The following CNTLN variants were observed in gnomAD, a reference collection of about 807,000 sequenced individuals.
CNTLN encodes centlein, centrosomal protein.
In CNTLN, 212 loss-of-function variants were observed where a neutral mutation model predicts 180.0. That is an observed-to-expected ratio of 1.18 (90% CI 1.05 to 1.32). The LOEUF (loss-of-function observed/expected upper bound fraction) is 1.32. Ranked by LOEUF, CNTLN falls within the 40% of genes most tolerant of loss-of-function variation. The probability of loss-of-function intolerance (pLI) is 0.00; values close to 1 mark genes in which losing one functional copy is unlikely to be tolerated. For missense variants in CNTLN, 2,095 were observed against 1,610.9 expected, an observed-to-expected ratio of 1.30 and a Z score of -5.14; for synonymous variants, 722 against 563.1, an observed-to-expected ratio of 1.28 and a Z score of -3.99.
chr9:17,331,357 G>A (rs551183767), intron 9 of CNTLN, among the ~76,000 whole-genome samples: 2 of 98,184 alleles, frequency 2.0e-5, no homozygotes, highest in East Asian at 4.0e-4. Flanking sequence ...GTTTATTAAT[G>A]TCTCAATTTT....
intron 8 of CNTLN, among the ~76,000 whole-genome samples, chr9:17,322,916 AT>A (rs1820015927): frequency 4.6e-5 from 7 of 152,194 alleles, no homozygotes; most frequent in Admixed American, 4.6e-4. Context: ...GCTTTTTTAT[AT>A]TCTTTATGAA....
intron 2 of CNTLN, among the ~76,000 whole-genome samples, chr9:17,158,565 G>A (rs973863510): frequency 6.6e-6 from 1 of 151,876 alleles, no homozygotes; most frequent in African/African-American, 2.4e-5. Context: ...CTTGTTATAG[G>A]TTGATTCAGA....
At chr9:17,491,377 CTA>C (rs1260297278) in intron 25 of CNTLN, among the ~76,000 whole-genome samples, 1 of 151,922 alleles carries the variant, frequency 6.6e-6, no homozygotes, top group Admixed American at 6.6e-5. Context: ...AATGTATAAA[CTA>C]TGAAATTTAC....
chr9:17,275,813 T>C (rs1167253067), intron 6 of CNTLN, among the ~76,000 whole-genome samples: 1 of 152,116 alleles, frequency 6.6e-6, no homozygotes, highest in Non-Finnish European at 1.5e-5. Flanking sequence ...TAGTGGGCCA[T>C]GTGTAATTCT....
chr9:17,216,888 G>T (rs1018764824), intron 2 of CNTLN, among the ~76,000 whole-genome samples: 2 of 152,208 alleles, frequency 1.3e-5, no homozygotes, highest in Non-Finnish European at 2.9e-5. Context: ...CCAGAATTAT[G>T]CCATCTGGTA....
At chr9:17,448,436 T>C (rs1308559375) in intron 18 of CNTLN, 1 of 152,258 alleles carries the variant, frequency 6.6e-6, no homozygotes, top group African/African-American at 2.4e-5. Flanking sequence ...GAATTTCCTG[T>C]TTAGCTTCAC....
At chr9:17,460,485 C>T (rs539791487) in intron 19 of CNTLN, among the ~76,000 whole-genome samples, 2 of 151,672 alleles carry the variant, frequency 1.3e-5, no homozygotes, top group African/African-American at 2.4e-5. Flanking sequence ...AGCTGGGTTT[C>T]GATCACTTTT....
At chr9:17,214,690 A>C (rs1014285668) in intron 2 of CNTLN, among the ~76,000 whole-genome samples, 1 of 152,130 alleles carries the variant, frequency 6.6e-6, no homozygotes, top group Non-Finnish European at 1.5e-5. Flanking sequence ...TTTCAGGTAC[A>C]CCAATTAGAT....
intron 19 of CNTLN, among the ~76,000 whole-genome samples, chr9:17,461,812 A>G (rs1466479625): frequency 6.6e-6 from 1 of 151,652 alleles, no homozygotes; most frequent in Non-Finnish European, 1.5e-5. Flanking sequence ...GAGTATGTCA[A>G]CACTATCTTG....
chr9:17,407,334 G>C (rs1329580679), intron 15 of CNTLN, among the ~76,000 whole-genome samples: 3 of 152,192 alleles, frequency 2.0e-5, no homozygotes, highest in Non-Finnish European at 4.4e-5. Flanking sequence ...CTCAAAGCCA[G>C]TATGAGTTCT....
At chr9:17,367,993 C>T (rs1042906084) in intron 13 of CNTLN, among the ~76,000 whole-genome samples, 1 of 152,132 alleles carries the variant, frequency 6.6e-6, no homozygotes, top group African/African-American at 2.4e-5. Flanking sequence ...ATTTGTCTTG[C>T]ACCTTAGGTA....
At chr9:17,458,558 T>C (rs1415647885) in intron 19 of CNTLN, among the ~76,000 whole-genome samples, 2 of 151,922 alleles carry the variant, frequency 1.3e-5, no homozygotes, top group African/African-American at 4.8e-5. Flanking sequence ...TGGAATACTA[T>C]GTTGAATTGT....
chr9:17,444,085 A>G (rs1046140479), intron 18 of CNTLN: 2 of 152,216 alleles, frequency 1.3e-5, no homozygotes, highest in Non-Finnish European at 1.5e-5. Flanking sequence ...TAAGAAAAAA[A>G]ACACAAAATC....
intron 18 of CNTLN, among the ~76,000 whole-genome samples, chr9:17,455,385 A>G (rs1831053361): frequency 6.6e-6 from 1 of 152,180 alleles, no homozygotes; most frequent in African/African-American, 2.4e-5. Flanking sequence ...TAATTTCAGT[A>G]TTTCTTCATT....
chr9:17,332,736 C>A lies in CNTLN; in HGVS notation c.1644+6C>A. 2 of 1,575,324 alleles carry A rather than the reference C, an allele frequency of 1.3e-6. No individual in the cohort carries two copies. The highest frequency in any genetic ancestry group is 1.7e-6 in the Non-Finnish European group (2 of 1,165,068). On this transcript the variant is annotated splice_donor_region_variant and intron_variant, in intron 10 of 25. Coordinates refer to ENST00000380647, the MANE Select transcript of CNTLN (RefSeq NM_017738.4). ...AGAAGGCACTACAACTAAAGGTGAACATTAAATCATTTCTTTAGTAGTAAC... is the reference window on the plus strand; with the variant it reads ...AGAAGGCACTACAACTAAAGGTGAAAATTAAATCATTTCTTTAGTAGTAAC...
intron 12 of CNTLN, among the ~76,000 whole-genome samples, chr9:17,343,311 T>C (rs990453332): frequency 6.6e-6 from 1 of 152,198 alleles, no homozygotes; most frequent in Non-Finnish European, 1.5e-5. Context: ...CACTCAAGCA[T>C]ACAGTTTTTT....
In CNTLN at chr9:17,348,381, C is replaced by T. The variant is rs76973264; in HGVS notation, c.1886+5937C>T. Among the ~76,000 whole-genome samples the T allele has an allele frequency of 6.0e-3, 919 of 152,262 alleles. 5 individuals are homozygous for T. Among genetic ancestry groups the T allele is most frequent in the African/African-American group, 0.021 (871 of 41,554 alleles). On this transcript the variant is annotated intron_variant, in intron 12 of 25. Coordinates refer to ENST00000380647, the MANE Select transcript of CNTLN (RefSeq NM_017738.4). ...ATATCATGCCTGAGGGAGAAGGTCA[C>T]GTCAATACTACTAGGAAAAGATGGG...
chr9:17,159,410 G>C (rs1357680112), intron 2 of CNTLN, among the ~76,000 whole-genome samples: 2 of 152,144 alleles, frequency 1.3e-5, no homozygotes, highest in Non-Finnish European at 2.9e-5. Context: ...TCTAGGAGCT[G>C]ATTGCTTAGT....
At chr9:17,349,628 T>C (rs1822196982) in intron 12 of CNTLN, among the ~76,000 whole-genome samples, 1 of 152,168 alleles carries the variant, frequency 6.6e-6, no homozygotes, top group Non-Finnish European at 1.5e-5. Flanking sequence ...GTTGCTGCTA[T>C]CGCATAGGAA....
Sources: gnomAD v4.1 joint callset for allele counts (sites outside exome capture counted in the v4.1 genomes callset) on GRCh38, gnomAD v4.1.1 for gene constraint, MANE v1.5 for transcripts, NCBI Gene and HGNC (gene_info 2026-07-23, HGNC 2026-07-21) for gene names.